The following KLF16 variants were observed in gnomAD, a reference collection of about 807,000 sequenced individuals.
The protein encoded by KLF16 is KLF transcription factor 16.
A neutral mutation model predicts 6.1 loss-of-function variants in KLF16; 6 were observed. The observed-to-expected ratio is 0.98, with a 90% confidence interval of 0.54 to 1.93. The LOEUF (loss-of-function observed/expected upper bound fraction) is 1.93, where lower values mean the gene tolerates loss of function less well. Ranked by LOEUF, KLF16 falls within the 30% of genes most tolerant of loss-of-function variation. The probability of loss-of-function intolerance (pLI) is 0.01; values close to 1 mark genes in which losing one functional copy is unlikely to be tolerated. For synonymous variants in KLF16, 211 were observed against 176.5 expected (o/e 1.20, Z -1.55); for missense variants, 355 against 363.8 (o/e 0.98, Z 0.20).
the KLF16 span, among the ~76,000 whole-genome samples, chr19:1,873,197 G>A: frequency 6.6e-6 from 1 of 152,212 alleles, no homozygotes; most frequent in African/African-American, 2.4e-5. Flanking sequence ...TGGGACGACG[G>A]ATGAATGCAG....
chr19:1,865,306 C>G (rs1052557329), upstream of KLF16, among the ~76,000 whole-genome samples: 1 of 152,240 alleles, frequency 6.6e-6, no homozygotes, highest in African/African-American at 2.4e-5. Flanking sequence ...CCTGCTCCTG[C>G]TGGGCCTCTG....
intron 1 of KLF16, among the ~76,000 whole-genome samples, chr19:1,855,930 G>A (rs139290472): frequency 2.6e-5 from 4 of 152,360 alleles, no homozygotes; most frequent in African/African-American, 4.8e-5. Flanking sequence ...CATGCCCCTC[G>A]TGGCACTGGT....
At chr19:1,865,363 A>T, upstream of KLF16, among the ~76,000 whole-genome samples, 1 of 152,144 alleles carries the variant, frequency 6.6e-6, no homozygotes, top group East Asian at 1.9e-4. Flanking sequence ...CAGGTCCCCC[A>T]GGTCCCCACC....
upstream of KLF16, among the ~76,000 whole-genome samples, chr19:1,868,465 T>A (rs12984719): frequency 0.11 from 1,340 of 11,800 alleles, 40 homozygotes; most frequent in Middle Eastern, 0.25. Context: ...TTAGGGCTTT[T>A]TTTTTTTTTT....
chr19:1,862,491 T>TA lies in KLF16; in HGVS notation c.457+549dup, dbSNP rs1276593596. On this transcript the variant is annotated intron_variant, in intron 1 of 1. Transcript: ENST00000250916. ...AGCCTCGCCCTCCCCCTCGTTAAAA[T>TA]ACAGAGAACGCAGAGAAAACGTGCC... 1.1e-4 allele frequency among the ~76,000 whole-genome samples: 17 copies of TA among 150,998 alleles called. No homozygotes were observed. The East Asian group carries it at 3.3e-3, about 30-fold the overall frequency.
intron 1 of KLF16, among the ~76,000 whole-genome samples, chr19:1,856,395 G>A (rs1239719458): frequency 1.3e-5 from 2 of 152,068 alleles, no homozygotes; most frequent in Admixed American, 6.5e-5. Flanking sequence ...GCCACACCCC[G>A]ACACCCTCAG....
chr19:1,874,653 A>T, the KLF16 span, among the ~76,000 whole-genome samples: 4 of 151,228 alleles, frequency 2.6e-5, no homozygotes, highest in Admixed American at 2.0e-4. Flanking sequence ...AGAAAAAAAT[A>T]CAAACAAAGT....
intron 1 of KLF16, among the ~76,000 whole-genome samples, chr19:1,855,332 G>A (rs12611202): frequency 0.35 from 53,782 of 151,842 alleles, 11,643 homozygotes; most frequent in African/African-American, 0.6. Flanking sequence ...GAGCAAGGGG[G>A]CATGGGAGGA....
At chr19:1,873,491 G>T in the KLF16 span, among the ~76,000 whole-genome samples, 1 of 152,232 alleles carries the variant, frequency 6.6e-6, no homozygotes, top group Non-Finnish European at 1.5e-5. Flanking sequence ...CACCTGGCTG[G>T]TGTCTGTCCC....
At chr19:1,863,798 G>T (rs928554315), upstream of KLF16, among the ~76,000 whole-genome samples, 4 of 142,674 alleles carry the variant, frequency 2.8e-5, no homozygotes, top group African/African-American at 1.0e-4. Context: ...GGCCGCCGGG[G>T]GCGGGGCTCG....
At chr19:1,869,930 C>CTTTTTTT in the KLF16 span, among the ~76,000 whole-genome samples, 15 of 109,712 alleles carry the variant, frequency 1.4e-4, no homozygotes, top group East Asian at 2.7e-4. Context: ...AATACTTTTT[C>CTTTTTTT]TTTTTTTTTT....
the KLF16 span, among the ~76,000 whole-genome samples, chr19:1,873,238 CCA>C: frequency 6.6e-6 from 1 of 152,186 alleles, no homozygotes; most frequent in Non-Finnish European, 1.5e-5. Flanking sequence ...GGTCAGCCGC[CCA>C]CACACACATG....
At chr19:1,868,708 A>G in the KLF16 span, among the ~76,000 whole-genome samples, 1 of 149,950 alleles carries the variant, frequency 6.7e-6, no homozygotes, top group African/African-American at 2.5e-5. Context: ...GCAATGGCAC[A>G]ATCTCGGCTC....
At position 1,863,394 on chromosome 19, in the gene KLF16, G is replaced by C. The variant is rs1319284824; in HGVS notation, c.104C>G (p.Ala35Gly). Residue 35 changes from alanine (A) to glycine (G), a missense_variant, in exon 1 of 2, where the codon GCG (alanine) becomes GGG (glycine). By Grantham distance (60) the Ala-to-Gly change is moderately conservative. Transcript: ENST00000250916. ...CACATCCAGGCCGGCGGCGGGGCCC[G>C]CGCCCTCGGGGCCGGGCCGCCCGCG... ...VHRGRPGPEG[A>G]GPAAGLDVRA... is the part of the protein sequence containing the mutation. 1 of 985,322 alleles carries C rather than the reference G, an allele frequency of 1.0e-6. No homozygotes were observed. Among genetic ancestry groups the C allele is most frequent in the Middle Eastern group, 5.1e-4 (1 of 1,944 alleles). 61.0% of individuals were successfully genotyped at this position (985,322 alleles called of 1,614,324 possible). A position where few individuals can be genotyped will look rare whatever the true frequency, so the allele number is the denominator to read the frequency against.
chr19:1,866,426 T>C (rs1367356128), upstream of KLF16, among the ~76,000 whole-genome samples: 2 of 150,796 alleles, frequency 1.3e-5, no homozygotes, highest in Non-Finnish European at 2.9e-5. Flanking sequence ...GCCTGACCAA[T>C]ATGAAGAAAC....
rs1266019162 is a variant in KLF16 at position 1,854,679 on chromosome 19, G to A, written c.539C>T (p.Thr180Met). The change falls in exon 2 of 2, where the codon ACG (threonine) becomes ATG (methionine). Residue 180 changes from threonine (T) to methionine (M), a missense_variant. By Grantham distance (81) the Thr-to-Met change is moderately conservative (BLOSUM62 -1). Coordinates refer to ENST00000250916, the MANE Select transcript of KLF16 (RefSeq NM_031918.4). ...RSDELARHHR[T>M]HTGEKRFSCP... ...GGAGAAGCGCTTCTCGCCCGTGTGC[G>A]TCCGGTGGTGGCGGGCCAGCTCGTC... 6.2e-6 allele frequency: 10 copies of A among 1,600,456 alleles called. No individual in the cohort carries two copies. Among genetic ancestry groups the A allele is most frequent in the South Asian group, 1.1e-5 (1 of 91,032 alleles).
chr19:1,859,715 C>T (rs995194670), intron 1 of KLF16, among the ~76,000 whole-genome samples: 1 of 152,188 alleles, frequency 6.6e-6, no homozygotes, highest in African/African-American at 2.4e-5. Context: ...CCCCGCCCCC[C>T]GCCACCACGG....
chr19:1,857,374 G>C lies in KLF16; in HGVS notation c.458-2614C>G, dbSNP rs900381259. Among the ~76,000 whole-genome samples the C allele has an allele frequency of 2.0e-5, 3 of 152,250 alleles. No homozygotes were observed. The highest frequency in any genetic ancestry group is 7.2e-5 in the African/African-American group (3 of 41,464). On this transcript the variant is annotated intron_variant, in intron 1 of 1. Coordinates refer to ENST00000250916, the MANE Select transcript of KLF16 (RefSeq NM_031918.4). This position sits in a 1 kb window ranked among gnomAD's most constrained non-coding sequence, Gnocchi z 4.7. Reference sequence around the variant, plus strand: ...GCCACCCAGCTGCTCCGCGCTACCTGGCCGAGACGCAGCGCCCTGAGGATG... The same window carrying C: ...GCCACCCAGCTGCTCCGCGCTACCTCGCCGAGACGCAGCGCCCTGAGGATG...
Position 1,863,374 on chromosome 19 carries a change from C to G in KLF16, c.124G>C (p.Asp42His). ...GCCTCGCGGCGCGCCGCGCGCACAT[C>G]CAGGCCGGCGGCGGGGCCCGCGCCC... ...PEGAGPAAGL[D>H]VRAARREAAS... The change falls in exon 1 of 2, where the codon GAT becomes CAT. Residue 42 changes from aspartate (D) to histidine (H), a missense_variant. Coordinates refer to ENST00000250916, the MANE Select transcript of KLF16 (RefSeq NM_031918.4). 2 of 981,462 alleles carry G rather than the reference C, an allele frequency of 2.0e-6. No individual in the cohort carries two copies. The highest frequency in any genetic ancestry group is 2.4e-6 in the Non-Finnish European group (2 of 829,298). 60.8% of individuals were successfully genotyped at this position (981,462 alleles called of 1,614,324 possible).
Sources: allele counts gnomAD v4.1 joint callset (sites outside exome capture counted in the v4.1 genomes callset), GRCh38; gene constraint gnomAD v4.1.1; non-coding constraint Gnocchi (gnomAD v3.1); transcripts MANE v1.5; gene names NCBI Gene and HGNC (gene_info 2026-07-23, HGNC 2026-07-21).